COL4A4: variants seen among roughly 807,000 people sequenced by gnomAD.
The protein encoded by COL4A4 is collagen type IV alpha 4 chain.
A neutral mutation model predicts 192.9 loss-of-function variants in COL4A4; 105 were observed. The observed-to-expected ratio is 0.54, with a 90% confidence interval of 0.46 to 0.64. COL4A4 has a LOEUF of 0.64. Among genes scored for constraint, COL4A4 ranks in the 30% least tolerant of loss-of-function variants. The probability of loss-of-function intolerance (pLI) is 0.00; values close to 1 mark genes in which losing one functional copy is unlikely to be tolerated. For synonymous variants in COL4A4, 762 were observed against 769.9 expected, an observed-to-expected ratio of 0.99 and a Z score of 0.17; for missense variants, 1,967 against 2,169.3, an observed-to-expected ratio of 0.91 and a Z score of 1.85.
rs1976328207 is a variant in COL4A4, at chr2:227,059,440, C to T, written c.2348G>A (p.Gly783Glu). 1 of 1,614,074 alleles carries T rather than the reference C, an allele frequency of 6.2e-7. No individual in the cohort carries two copies. The highest frequency in any genetic ancestry group is 1.1e-5 in the South Asian group (1 of 91,080). Residue 783 changes from glycine (G) to glutamate (E), a missense_variant, in exon 28 of 48, where the codon GGA becomes GAA. Gly to Glu is a moderately conservative substitution (Grantham distance 98). Transcript: ENST00000396625. ...TGGACATCCCGGATCACCTCTGGGTCCTTTTATCCCTGGCACTCCTGAAAG... is the reference window on the plus strand; with the variant it reads ...TGGACATCCCGGATCACCTCTGGGTTCTTTTATCCCTGGCACTCCTGAAAG... ...RGLSGVPGIK[G>E]PRGDPGCPGA...
chr2:227,058,821 A>G (rs1976158131), intron 28 of COL4A4, among the ~76,000 whole-genome samples: 1 of 152,224 alleles, frequency 6.6e-6, no homozygotes, highest in South Asian at 2.1e-4. Context: ...AAACCTGAAA[A>G]ACTCCACTGG....
chr2:227,042,943 A>T (rs1267526997), intron 36 of COL4A4, 134 bp downstream of exon 36: 1 of 710,870 alleles, frequency 1.4e-6, no homozygotes, highest in African/African-American at 1.8e-5. Flanking sequence ...AGCTTAAGTG[A>T]CCTATCCAAA....
chr2:227,159,539 C>A (rs1307573621), intron 1 of COL4A4, among the ~76,000 whole-genome samples: 1 of 152,182 alleles, frequency 6.6e-6, no homozygotes, highest in African/African-American at 2.4e-5. Flanking sequence ...TGTGTCCCCA[C>A]CTAAATCTCA....
At chr2:227,152,809 C>A (rs575495854) in intron 1 of COL4A4, among the ~76,000 whole-genome samples, 24 of 152,224 alleles carry the variant, frequency 1.6e-4, no homozygotes, top group Non-Finnish European at 2.8e-4. Flanking sequence ...ACTCATCTAC[C>A]TTCCCACGAA....
Position 227,010,424 on chromosome 2 carries a change from G to A in COL4A4, c.4411C>T (p.His1471Tyr), listed in dbSNP as rs754254861. Residue 1471 changes from histidine to tyrosine, a missense_variant, in exon 46 of 48, where the codon CAC (histidine) becomes TAC (tyrosine). By Grantham distance (83) the His-to-Tyr change is moderately conservative (BLOSUM62 2). Coordinates refer to ENST00000396625, the MANE Select transcript of COL4A4 (RefSeq NM_000092.5). Reference protein sequence around the residue: ...GYLGGFLLVLHSQTDQEPTCP... With the variant: ...GYLGGFLLVLYSQTDQEPTCP... The stretch of plus-strand genomic sequence containing the variant: ...GTGGGCTCCTGGTCCGTCTGACTGT[G>A]GAGAACCAGGAGGAAGCCACCGAGG... 1 of 1,614,004 alleles carries A rather than the reference G, an allele frequency of 6.2e-7. No homozygotes were observed. The highest frequency in any genetic ancestry group is 8.5e-7 in the Non-Finnish European group (1 of 1,179,926).
Position 227,086,564 on chromosome 2 carries a change from A to G in COL4A4, c.1623+2089T>C, listed in dbSNP as rs142563954. On this transcript the variant is annotated intron_variant, in intron 22 of 47. Transcript: ENST00000396625. ...GTAATGAATTTAATGCAGAGAAGCC[A>G]TATGGACAGAATCATATACACAACA... Among the ~76,000 whole-genome samples the G allele has an allele frequency of 1.5e-3, 225 of 152,256 alleles. 2 individuals are homozygous for G. In the Middle Eastern group the frequency reaches 0.021, roughly 14 times the overall value.
intron 21 of COL4A4, 35 bp downstream of exon 21, chr2:227,089,833 G>T: frequency 1.3e-6 from 2 of 1,525,514 alleles, no homozygotes; most frequent in Non-Finnish European, 1.8e-6. Flanking sequence ...ATGTACAGTT[G>T]TCTTCTAGAA....
At chr2:227,087,976 G>C (rs2059693766) in intron 22 of COL4A4, among the ~76,000 whole-genome samples, 1 of 152,288 alleles carries the variant, frequency 6.6e-6, no homozygotes, top group Admixed American at 6.5e-5. Flanking sequence ...TTGCTGATCT[G>C]TTAGATGGTC....
In COL4A4 at chr2:227,164,065, C is replaced by G. The variant is rs2065086091; in HGVS notation, c.-160G>C. The G allele has an allele frequency of 6.6e-6, 1 of 152,364 alleles. No homozygotes were observed. Among genetic ancestry groups the G allele is most frequent in the Non-Finnish European group, 1.5e-5 (1 of 68,144 alleles). The allele number at this position is 152,364 out of a possible 1,614,324, so 9.4% of individuals were successfully genotyped here. On this transcript the variant is annotated 5_prime_UTR_variant, in exon 1 of 48. Coordinates refer to ENST00000396625, the MANE Select transcript of COL4A4 (RefSeq NM_000092.5). The surrounding 1 kb of genome is among the most constrained non-coding windows in gnomAD (Gnocchi z 4.8). ...CCTTGCCACCCCACGGGACGCGCACCTCCAGCCCCAATCCACCCGCGCCCC... is the reference window on the plus strand; with the variant it reads ...CCTTGCCACCCCACGGGACGCGCACGTCCAGCCCCAATCCACCCGCGCCCC...
chr2:227,107,888 C>G lies in COL4A4; in HGVS notation c.735+693G>C, dbSNP rs183611103. The stretch of plus-strand genomic sequence containing the variant: ...TTCTCCTGCTTCAGCCTCCCGAGTA[C>G]CTGGGACTACAGGCACGCACCACCA... On this transcript the variant is annotated intron_variant, in intron 12 of 47. Coordinates refer to ENST00000396625, the MANE Select transcript of COL4A4 (RefSeq NM_000092.5). 7.7e-4 allele frequency among the ~76,000 whole-genome samples: 117 copies of G among 151,648 alleles called. 1 individual carries two copies. The highest frequency in any genetic ancestry group is 3.4e-3 in the Middle Eastern group (1 of 294).
In COL4A4 at chr2:227,050,117, A is replaced by G; in HGVS notation, c.3165T>C (p.Ser1055=). ...GLPGDQGEPG[S]PGPPGFSGID... ...TTCCTGAAAATCCAGGGGGACCTGG[A>G]GAACCTGGCTCACCCTGACAGTTTA... Residue 1055 remains serine (S), a synonymous_variant, in exon 34 of 48, where the codon TCT becomes TCC. Transcript: ENST00000396625. 1 of 1,614,170 alleles carries G rather than the reference A, an allele frequency of 6.2e-7. No homozygotes were observed. The highest frequency in any genetic ancestry group is 8.5e-7 in the Non-Finnish European group (1 of 1,180,010).
chr2:227,028,097 T>C (rs1316692013), intron 41 of COL4A4, 88 bp from the exon 42 acceptor site: 1 of 944,922 alleles, frequency 1.1e-6, no homozygotes, highest in African/African-American at 1.6e-5. Context: ...ATTCAGAGAT[T>C]CACTCCAACA....
At chr2:227,116,757 G>A (rs931710474) in intron 7 of COL4A4, among the ~76,000 whole-genome samples, 6 of 152,138 alleles carry the variant, frequency 3.9e-5, no homozygotes, top group Non-Finnish European at 5.9e-5. Context: ...GGATGACAGC[G>A]TCCTAGGTAA....
chr2:227,016,586 C>T (rs1366208203), intron 44 of COL4A4, among the ~76,000 whole-genome samples: 3 of 152,104 alleles, frequency 2.0e-5, no homozygotes, highest in Non-Finnish European at 4.4e-5. Flanking sequence ...TTGAAGTGTT[C>T]AGGTAATGAG....
chr2:227,071,255 G>A (rs1178270780), intron 25 of COL4A4, among the ~76,000 whole-genome samples: 3 of 152,038 alleles, frequency 2.0e-5, no homozygotes, highest in African/African-American at 7.2e-5. Flanking sequence ...AGCTATTCTT[G>A]TATCAGAAAA....
the COL4A4 span, among the ~76,000 whole-genome samples, chr2:226,982,294 G>A: frequency 2.6e-5 from 4 of 152,334 alleles, no homozygotes; most frequent in African/African-American, 9.6e-5. Flanking sequence ...ATGCCAGGTG[G>A]CTGTCAGCTT....
At chr2:227,031,870 G>A (rs941878234) in intron 40 of COL4A4, 75 bp downstream of exon 40, 5 of 1,090,242 alleles carry the variant, frequency 4.6e-6, no homozygotes, top group Admixed American at 1.9e-5. Context: ...GCCACTCTCT[G>A]GTCCCACATT....
chr2:227,042,188 G>T lies in COL4A4; in HGVS notation c.3465C>A (p.Leu1155=), dbSNP rs765248268. ...GACCTGGTATCCCTGGATCCCCCTG[G>T]AGGCCTCTTGGCCCAGGGTCTCCCA... ...GEMGDPGPRG[L]QGDPGIPGPP... is the part of the protein sequence containing the mutation. The change falls in exon 37 of 48, where the codon CTC becomes CTA. Residue 1155 remains leucine (L), a synonymous_variant. Coordinates refer to ENST00000396625, the MANE Select transcript of COL4A4 (RefSeq NM_000092.5). 7 of 1,613,476 alleles carry T rather than the reference G, an allele frequency of 4.3e-6. No individual in the cohort carries two copies. The South Asian group carries it at 6.6e-5, about 15-fold the overall frequency.
At chr2:226,969,895 C>T in the COL4A4 span, among the ~76,000 whole-genome samples, 3 of 151,982 alleles carry the variant, frequency 2.0e-5, no homozygotes, top group South Asian at 2.1e-4. Flanking sequence ...CATCCTGTGG[C>T]GAGGCACAAA....
Sources: gnomAD v4.1 joint callset for allele counts (sites outside exome capture counted in the v4.1 genomes callset) on GRCh38, gnomAD v4.1.1 for gene constraint, Gnocchi (gnomAD v3.1) non-coding constraint, MANE v1.5 for transcripts, NCBI Gene and HGNC (gene_info 2026-07-23, HGNC 2026-07-21) for gene names.